LPP: variants seen among roughly 807,000 people sequenced by gnomAD.
LPP encodes the protein lipoma-preferred partner.
LPP carries 38 observed loss-of-function variants against 60.4 expected under a neutral mutation model. That is an observed-to-expected ratio of 0.63 (90% confidence interval 0.49 to 0.83). The LOEUF (loss-of-function observed/expected upper bound fraction) is 0.83. LPP is among the 40% of genes least tolerant of loss of function. The probability of loss-of-function intolerance (pLI) is 0.00; values close to 1 mark genes in which losing one functional copy is unlikely to be tolerated. For missense variants in LPP, 902 were observed against 783.6 expected (o/e 1.15, Z -1.80); for synonymous variants, 328 against 290.8 (o/e 1.13, Z -1.30).
rs563099461 is a variant in LPP, at chr3:188,888,959, A to C, written c.*14480A>C. 3 of 217,700 alleles carry C rather than the reference A, an allele frequency of 1.4e-5. No individual in the cohort carries two copies. Among genetic ancestry groups the C allele is most frequent in the Middle Eastern group, 1.4e-3 (1 of 708 alleles). 13.5% of individuals were successfully genotyped at this position (217,700 alleles called of 1,614,324 possible). A position where few individuals can be genotyped will look rare whatever the true frequency, so the allele number is the denominator to read the frequency against. On this transcript the variant is annotated 3_prime_UTR_variant, in exon 12 of 12. Transcript: ENST00000617246. ...GCATTGAAACATTTAGGGAAAAAAA[A>C]GATGTTTAAGAGAATTAATAGAGCC... is the stretch of plus-strand genomic sequence containing the variant.
chr3:188,565,372 T>C (rs900463704), intron 6 of LPP, among the ~76,000 whole-genome samples: 2 of 151,994 alleles, frequency 1.3e-5, no homozygotes, highest in Non-Finnish European at 1.5e-5. Flanking sequence ...AGTAAACAAG[T>C]TGTGGACCTT....
rs56314555 is a variant in LPP, at chr3:188,862,728, T to G, written c.1411-3472T>G. Among the ~76,000 whole-genome samples the G allele has an allele frequency of 7.9e-3, 613 of 77,660 alleles. 29 individuals are homozygous for G. Among genetic ancestry groups the G allele is most frequent in the African/African-American group, 0.031 (577 of 18,802 alleles). The allele number at this position is 77,660 out of a possible 152,430, so 50.9% of individuals were successfully genotyped here. A position where few individuals can be genotyped will look rare whatever the true frequency, so the allele number is the denominator to read the frequency against. ...CCTACTAGACAAAAAAATAAATAAATAAATAAATAAAAGAAAAAAGAAAAG... is the reference window on the plus strand; with the variant it reads ...CCTACTAGACAAAAAAATAAATAAAGAAATAAATAAAAGAAAAAAGAAAAG... On this transcript the variant is annotated intron_variant, in intron 9 of 11. Transcript: ENST00000617246.
At chr3:188,745,607 G>T (rs1577314914) in intron 8 of LPP, among the ~76,000 whole-genome samples, 1 of 152,024 alleles carries the variant, frequency 6.6e-6, no homozygotes, top group African/African-American at 2.4e-5. Flanking sequence ...AATAGGAATG[G>T]ATTTAAAGCT....
intron 8 of LPP, among the ~76,000 whole-genome samples, chr3:188,754,201 G>T (rs1005278138): frequency 1.3e-5 from 2 of 152,090 alleles, no homozygotes; most frequent in African/African-American, 4.8e-5. Flanking sequence ...CTGTTCTATC[G>T]CAGTGCTTCC....
At chr3:188,574,879 C>T (rs909343546) in intron 6 of LPP, among the ~76,000 whole-genome samples, 44 of 152,054 alleles carry the variant, frequency 2.9e-4, no homozygotes, top group African/African-American at 1.0e-3. Flanking sequence ...AAACTGCTCA[C>T]TTTTTTTCTG....
chr3:188,310,161 G>A (rs189757904), intron 2 of LPP, among the ~76,000 whole-genome samples: 98 of 152,022 alleles, frequency 6.4e-4, no homozygotes, highest in African/African-American at 2.3e-3. Context: ...TCTAGAGAAA[G>A]GGGTTCTTTA....
intron 2 of LPP, among the ~76,000 whole-genome samples, chr3:188,315,908 A>G (rs1754899968): frequency 6.6e-6 from 1 of 152,248 alleles, no homozygotes; most frequent in African/African-American, 2.4e-5. Context: ...AGGTCATGAT[A>G]TTAATAGATT....
At chr3:188,385,640 A>G (rs1021593200) in intron 3 of LPP, among the ~76,000 whole-genome samples, 1 of 152,228 alleles carries the variant, frequency 6.6e-6, no homozygotes. Flanking sequence ...CTCTACAAAG[A>G]AGCAAGTGTT....
At chr3:188,519,414 A>G (rs1009930649) in intron 5 of LPP, among the ~76,000 whole-genome samples, 5 of 152,374 alleles carry the variant, frequency 3.3e-5, no homozygotes, top group Non-Finnish European at 5.9e-5. Flanking sequence ...CTTTATAAAA[A>G]TCAAAAATCA....
At position 188,180,282 on chromosome 3, in the gene LPP, C is replaced by T. The variant is rs1724549979; in HGVS notation, c.-190+26030C>T. ...CTCACCGTGCCCACCTTGCCCTGCTCTCGTCTGACCTCACCTCTGTTTCCA... is the reference window on the plus strand; with the variant it reads ...CTCACCGTGCCCACCTTGCCCTGCTTTCGTCTGACCTCACCTCTGTTTCCA... On this transcript the variant is annotated intron_variant, in intron 1 of 11. Coordinates refer to ENST00000617246, the MANE Select transcript of LPP (RefSeq NM_001375462.1). The T allele has an allele frequency of 2.6e-5, 4 of 154,860 alleles. No individual in the cohort carries two copies. In the Admixed American group the frequency reaches 2.6e-4, roughly 10 times the overall value. 9.6% of individuals were successfully genotyped at this position (154,860 alleles called of 1,614,324 possible).
intron 1 of LPP, among the ~76,000 whole-genome samples, chr3:188,202,506 G>T (rs1300193484): frequency 6.6e-6 from 1 of 152,200 alleles, no homozygotes; most frequent in African/African-American, 2.4e-5. Context: ...TGTGTCGTCT[G>T]CATCAATGCT....
At chr3:188,232,504 A>ATTTTTTTTTTTTTTTTTTT (rs71634069) in intron 2 of LPP, among the ~76,000 whole-genome samples, 6 of 103,236 alleles carry the variant, frequency 5.8e-5, no homozygotes, top group Non-Finnish European at 7.6e-5. Flanking sequence ...ACACCCGGCT[A>ATTTTTTTTTTTTTTTTTTT]TTTTTTTTTT....
At chr3:188,492,635 G>T (rs1309813266) in intron 5 of LPP, among the ~76,000 whole-genome samples, 2 of 152,192 alleles carry the variant, frequency 1.3e-5, no homozygotes, top group African/African-American at 4.8e-5. Context: ...GACAGAGGCT[G>T]CAGTGAGCCG....
chr3:188,547,085 G>C (rs1826847018), intron 6 of LPP, among the ~76,000 whole-genome samples: 1 of 152,168 alleles, frequency 6.6e-6, no homozygotes, highest in Admixed American at 6.5e-5. Context: ...TATTCTCCTG[G>C]AGAGGTCAGA....
intron 5 of LPP, among the ~76,000 whole-genome samples, chr3:188,511,671 TTC>T (rs140773672): frequency 1.2e-3 from 188 of 151,868 alleles, no homozygotes; most frequent in Non-Finnish European, 1.9e-3. Context: ...AGTTCTCTTT[TTC>T]TCTCTGATCC....
intron 10 of LPP, among the ~76,000 whole-genome samples, 181 bp downstream of exon 10, chr3:188,866,559 G>A (rs1766660749): frequency 1.3e-5 from 2 of 152,124 alleles, no homozygotes; most frequent in African/African-American, 4.8e-5. Flanking sequence ...GACAATCCAT[G>A]CAGTCATCCA....
intron 4 of LPP, among the ~76,000 whole-genome samples, chr3:188,408,488 C>T (rs1326178798): frequency 2.0e-5 from 3 of 152,134 alleles, no homozygotes; most frequent in Non-Finnish European, 4.4e-5. Context: ...GTCCTTGGTC[C>T]CCTCTCAACA....
chr3:188,518,475 A>C (rs1213157945), intron 5 of LPP, among the ~76,000 whole-genome samples: 1 of 152,218 alleles, frequency 6.6e-6, no homozygotes, highest in African/African-American at 2.4e-5. Context: ...AATTAATCAC[A>C]AAAGGAAGCT....
chr3:188,699,007 A>G (rs1386407423), intron 7 of LPP, among the ~76,000 whole-genome samples: 1 of 152,230 alleles, frequency 6.6e-6, no homozygotes, highest in African/African-American at 2.4e-5. Flanking sequence ...CCAAGAAGAA[A>G]ATCATCTTTG....
Sources: allele counts gnomAD v4.1 joint callset (sites outside exome capture counted in the v4.1 genomes callset), GRCh38; gene constraint gnomAD v4.1.1; transcripts MANE v1.5; gene names NCBI Gene and HGNC (gene_info 2026-07-23, HGNC 2026-07-21).